GUCY1A2: variants seen among roughly 807,000 people sequenced by gnomAD.
The protein encoded by GUCY1A2 is guanylate cyclase soluble subunit alpha-2.
GUCY1A2 carries 27 observed loss-of-function variants against 63.5 expected under a neutral mutation model. The observed-to-expected ratio is 0.43, with a 90% CI of 0.31 to 0.59. GUCY1A2 has a LOEUF of 0.59. GUCY1A2 is among the 20% of genes least tolerant of loss of function. The pLI, the probability that GUCY1A2 is intolerant of heterozygous loss-of-function variation, is 0.11. For missense variants in GUCY1A2, 768 were observed against 913.3 expected (o/e 0.84, Z 2.05); for synonymous variants, 364 against 343.5 (o/e 1.06, Z -0.66).
intron 3 of GUCY1A2, among the ~76,000 whole-genome samples, chr11:106,955,075 C>G (rs1430493561): frequency 1.3e-5 from 2 of 151,936 alleles, no homozygotes; most frequent in African/African-American, 2.4e-5. Flanking sequence ...CAGGTTCAAG[C>G]AATTCTCCTA....
At chr11:106,787,598 G>GGGGAGGGGGGAGGAGGGAAGGGGGA (rs1306634840) in intron 5 of GUCY1A2, among the ~76,000 whole-genome samples, 1 of 146,654 alleles carries the variant, frequency 6.8e-6, no homozygotes, top group Non-Finnish European at 1.5e-5. Context: ...GGAAGGGAAG[G>GGGGAGGGGGGAGGAGGGAAGGGGGA]GAAAAAGAGA....
intron 2 of GUCY1A2, among the ~76,000 whole-genome samples, chr11:106,979,302 A>C (rs551187722): frequency 6.6e-6 from 1 of 152,168 alleles, no homozygotes; most frequent in South Asian, 2.1e-4. Flanking sequence ...AAAAATACAA[A>C]AAATTAGCCG....
At chr11:106,985,935 G>A (rs962762563) in intron 2 of GUCY1A2, 135 bp downstream of exon 2, 19 of 636,494 alleles carry the variant, frequency 3.0e-5, no homozygotes, top group African/African-American at 7.3e-5. Flanking sequence ...AAGCCTTCAC[G>A]CCCCACACTA....
intron 7 of GUCY1A2, among the ~76,000 whole-genome samples, chr11:106,700,343 C>T (rs747007434): frequency 2.0e-5 from 3 of 152,014 alleles, no homozygotes. Flanking sequence ...AAAAGACAGA[C>T]TTATTTTTAA....
chr11:106,793,023 G>GA (rs1038390777), intron 5 of GUCY1A2, among the ~76,000 whole-genome samples: 5 of 151,534 alleles, frequency 3.3e-5, no homozygotes, highest in Admixed American at 1.3e-4. Context: ...CACAGAAATA[G>GA]AAAAAAAATC....
intron 6 of GUCY1A2, among the ~76,000 whole-genome samples, chr11:106,736,940 A>G (rs867934587): frequency 7.4e-4 from 113 of 152,254 alleles, no homozygotes; most frequent in African/African-American, 2.4e-3. Flanking sequence ...TCTGGGGAGC[A>G]TACCACCACA....
chr11:106,791,182 G>C (rs1040791770), intron 5 of GUCY1A2, among the ~76,000 whole-genome samples: 7 of 152,190 alleles, frequency 4.6e-5, no homozygotes, highest in African/African-American at 1.7e-4. Context: ...CCTCTGCCTA[G>C]GGCTGGTCTA....
intron 4 of GUCY1A2, among the ~76,000 whole-genome samples, chr11:106,871,369 G>A (rs910988825): frequency 6.6e-6 from 1 of 152,030 alleles, no homozygotes; most frequent in African/African-American, 2.4e-5. Context: ...TCACAGTTTT[G>A]GATGCTAGAT....
intron 6 of GUCY1A2, among the ~76,000 whole-genome samples, chr11:106,721,807 A>G (rs894885151): frequency 6.6e-6 from 1 of 152,230 alleles, no homozygotes; most frequent in South Asian, 2.1e-4. Context: ...AGCAAAATTC[A>G]TAAGTCCCAA....
intron 5 of GUCY1A2, among the ~76,000 whole-genome samples, chr11:106,796,921 G>A (rs563895907): frequency 3.9e-5 from 6 of 152,246 alleles, no homozygotes; most frequent in Admixed American, 1.3e-4. Context: ...CCAATCAGAC[G>A]TAGATTTGGT....
chr11:106,740,400 G>T (rs982938768), intron 6 of GUCY1A2, among the ~76,000 whole-genome samples: 1 of 152,048 alleles, frequency 6.6e-6, no homozygotes, highest in Non-Finnish European at 1.5e-5. Flanking sequence ...TTTCTGGATA[G>T]ATTTTTATTT....
intron 6 of GUCY1A2, among the ~76,000 whole-genome samples, chr11:106,725,699 A>C (rs1357621998): frequency 1.3e-5 from 2 of 152,168 alleles, no homozygotes; most frequent in Non-Finnish European, 2.9e-5. Flanking sequence ...ATTTGTTCCC[A>C]TTGATGGAGG....
chr11:106,784,190 T>C (rs1487779274), intron 5 of GUCY1A2, among the ~76,000 whole-genome samples: 1 of 152,184 alleles, frequency 6.6e-6, no homozygotes, highest in African/African-American at 2.4e-5. Context: ...CCTTTCCTGC[T>C]GTTATTGAGA....
intron 4 of GUCY1A2, among the ~76,000 whole-genome samples, chr11:106,860,756 G>T (rs1859500450): frequency 6.6e-6 from 1 of 152,014 alleles, no homozygotes; most frequent in African/African-American, 2.4e-5. Context: ...TAAAGGAGGT[G>T]CCAATGTCTA....
intron 4 of GUCY1A2, among the ~76,000 whole-genome samples, chr11:106,896,694 T>C (rs1860054438): frequency 2.0e-5 from 3 of 152,208 alleles, no homozygotes; most frequent in Admixed American, 2.0e-4. Context: ...TGCAGCATTC[T>C]TCTCCTCTCA....
At chr11:106,809,061 C>T (rs2135423574) in intron 5 of GUCY1A2, among the ~76,000 whole-genome samples, 1 of 152,068 alleles carries the variant, frequency 6.6e-6, no homozygotes. Flanking sequence ...GAAGACACAC[C>T]TTCATAAAAA....
Position 107,017,904 on chromosome 11 carries a change from G to A in GUCY1A2, c.152C>T (p.Ala51Val), listed in dbSNP as rs1338963069. 1.6e-6 allele frequency: 2 copies of A among 1,256,350 alleles called. No individual in the cohort carries two copies. The highest frequency in any genetic ancestry group is 2.0e-6 in the Non-Finnish European group (2 of 997,974). The allele number at this position is 1,256,350 out of a possible 1,614,324, so 77.8% of individuals were successfully genotyped here. A position where few individuals can be genotyped will look rare whatever the true frequency, so the allele number is the denominator to read the frequency against. The part of the protein sequence containing the change: ...SPPGPLEPSP[A>V]AAAAAAAPAP... ...CGGGGCGGCGGCAGCGGCAGCTGCG[G>A]CCGGGCTGGGCTCCAGCGGCCCGGG... The change falls in exon 1 of 8, where the codon GCC (alanine) becomes GTC (valine). Residue 51 changes from alanine to valine, a missense_variant. Ala to Val is a moderately conservative substitution (Grantham distance 64). This residue lies in a region of GUCY1A2 where 496 missense variants were observed against 486.9 expected (regional missense o/e 1.02). Coordinates refer to ENST00000526355, the MANE Select transcript of GUCY1A2 (RefSeq NM_000855.3).
At chr11:106,903,573 G>T (rs1021329207) in intron 4 of GUCY1A2, among the ~76,000 whole-genome samples, 4 of 152,118 alleles carry the variant, frequency 2.6e-5, no homozygotes, top group East Asian at 1.9e-4. Flanking sequence ...GAAAGCTGGG[G>T]TTTTTTAAAA....
chr11:106,714,289 C>T (rs1863179305), intron 6 of GUCY1A2, among the ~76,000 whole-genome samples: 1 of 151,976 alleles, frequency 6.6e-6, no homozygotes, highest in Non-Finnish European at 1.5e-5. Context: ...TCAACAACCA[C>T]ATAAACAGCA....
Sources: allele counts gnomAD v4.1 joint callset (sites outside exome capture counted in the v4.1 genomes callset), GRCh38; gene constraint gnomAD v4.1.1; regional missense constraint gnomAD v4.1.1; transcripts MANE v1.5; gene names NCBI Gene and HGNC (gene_info 2026-07-23, HGNC 2026-07-21).